The following LAMA5 variants were observed in gnomAD, a reference collection of about 807,000 sequenced individuals.
The protein encoded by LAMA5 is laminin subunit alpha 5.
Under a neutral mutation model 433.4 loss-of-function variants are expected in LAMA5, and 260 were observed. That is an observed-to-expected ratio of 0.60 (90% CI 0.54 to 0.66). The LOEUF is 0.66. LAMA5 is among the 30% of genes least tolerant of loss of function. LAMA5 has a pLI of 0.00. For missense variants in LAMA5, 5,378 were observed against 5,258.5 expected (o/e 1.02, Z -0.70); for synonymous variants, 2,620 against 2,226.6 (o/e 1.18, Z -4.97).
intron 4 of LAMA5, 72 bp from the exon 5 acceptor site, chr20:62,352,151 T>G: frequency 6.3e-7 from 1 of 1,581,954 alleles, no homozygotes; most frequent in Non-Finnish European, 8.6e-7. Flanking sequence ...GGGCCCACCT[T>G]TCCCTTCTCC....
At chr20:62,326,988 G>A (rs768043783) in intron 38 of LAMA5, 22 bp from the exon 39 acceptor site, 70 of 1,544,140 alleles carry the variant, frequency 4.5e-5, no homozygotes, top group Middle Eastern at 3.4e-4. Context: ...ACAGACAGAG[G>A]TGACCTGGCC....
In LAMA5 at chr20:62,336,418, G is replaced by A; in HGVS notation, c.2245C>T (p.His749Tyr). Reference protein sequence around the residue: ...EAQVPCMCRAHVEGPSCDRCK... With the variant: ...EAQVPCMCRAYVEGPSCDRCK... ...CGGTCACAGCTCGGCCCCTCCACGT[G>A]AGCCCGGCACATACAGGGAACCTGT... Residue 749 changes from histidine (H) to tyrosine (Y), a missense_variant, in exon 18 of 80, where the codon CAC (histidine) becomes TAC (tyrosine). Physicochemically the swap from His to Tyr is moderately conservative, Grantham distance 83. Transcript: ENST00000252999. 1 of 1,612,562 alleles carries A rather than the reference G, an allele frequency of 6.2e-7. No individual in the cohort carries two copies. Among genetic ancestry groups the A allele is most frequent in the South Asian group, 1.1e-5 (1 of 91,068 alleles).
intron 50 of LAMA5, 150 bp downstream of exon 50, chr20:62,320,409 C>T (rs372709765): frequency 5.6e-6 from 3 of 531,132 alleles, no homozygotes; most frequent in Admixed American, 3.2e-5. Context: ...AATTCAGTGA[C>T]TTGGTCAACC....
rs763795701 is a variant in LAMA5 at position 62,313,700 on chromosome 20, C to T, written c.8607G>A (p.Leu2869=). Residue 2869 remains leucine (L), a synonymous_variant, in exon 63 of 80, where the codon CTG becomes CTA. Transcript: ENST00000252999. ...VAPGAEGLLN[L]RPDDFVFYVG... ...CGTAGAAGACGAAGTCGTCTGGCCG[C>T]AGGTTGAGCAGCCCCTCTGCCCCAG... is the stretch of plus-strand genomic sequence containing the variant. 8 of 1,612,748 alleles carry T rather than the reference C, an allele frequency of 5.0e-6. No individual in the cohort carries two copies. In the African/African-American group the frequency reaches 8.0e-5, roughly 16 times the overall value.
At position 62,322,396 on chromosome 20, in the gene LAMA5, T is replaced by A; in HGVS notation, c.6219A>T (p.Gly2073=). The change falls in exon 47 of 80, where the codon GGA becomes GGT. Residue 2073 remains glycine (G), a synonymous_variant. Transcript: ENST00000252999. The part of the protein sequence containing the change: ...GCGGCRPCAC[G]PAAEGSECHP... Reference sequence around the variant, plus strand: ...GGCACTCGGAGCCCTCGGCGGCCGGTCCACAAGCACACGGGCGGCAGCCCC... The same window carrying A: ...GGCACTCGGAGCCCTCGGCGGCCGGACCACAAGCACACGGGCGGCAGCCCC... The A allele has an allele frequency of 6.3e-7, 1 of 1,593,780 alleles. No individual in the cohort carries two copies. Among genetic ancestry groups the A allele is most frequent in the African/African-American group, 1.3e-5 (1 of 74,580 alleles).
chr20:62,322,164 G>A lies in LAMA5; in HGVS notation c.6351C>T (p.Cys2117=). ...GGTCACAGCGGCCCCCAGGGCACTG[G>A]CAGCCTGTGGTGGGGGGCTTGGGTG... ...WGLPEQGCRR[C]QCPGGRCDPH... Residue 2117 remains cysteine, a synonymous_variant, in exon 48 of 80, where the codon TGC becomes TGT. Coordinates refer to ENST00000252999, the MANE Select transcript of LAMA5 (RefSeq NM_005560.6). 1 of 1,593,198 alleles carries A rather than the reference G, an allele frequency of 6.3e-7. No individual in the cohort carries two copies. Among genetic ancestry groups the A allele is most frequent in the Non-Finnish European group, 8.5e-7 (1 of 1,172,220 alleles).
intron 26 of LAMA5, 137 bp downstream of exon 26, chr20:62,332,953 G>GGCAGGAGGCAGGAGGCAGGA (rs1980770266): frequency 1.0e-4 from 8 of 78,778 alleles, no homozygotes; most frequent in Non-Finnish European, 1.8e-4. Context: ...AGGAGGCAGG[G>GGCAGGAGGCAGGAGGCAGGA]GCGCCCTGCC....
rs558695650 is a variant in LAMA5, at chr20:62,359,680, T to G, written c.450+2720A>C. ...AGTGACCAGCGCTGGAGCCTCTTCC[T>G]GAGGCCCCACCCTTGGAGAGAGAAC... On this transcript the variant is annotated intron_variant, in intron 2 of 79. Transcript: ENST00000252999. The surrounding 1 kb of genome is among the most constrained non-coding windows in gnomAD (Gnocchi z 4.3). Among the ~76,000 whole-genome samples the G allele has an allele frequency of 6.6e-6, 1 of 152,130 alleles. No individual in the cohort carries two copies. The highest frequency in any genetic ancestry group is 6.5e-5 in the Admixed American group (1 of 15,292).
intron 38 of LAMA5, 129 bp downstream of exon 38, chr20:62,327,104 G>A: frequency 1.8e-6 from 2 of 1,130,352 alleles, no homozygotes; most frequent in Non-Finnish European, 1.2e-6. Context: ...ACCGGGACAG[G>A]GCCTGGGCAC....
chr20:62,356,932 C>A (rs1032696922), intron 2 of LAMA5, among the ~76,000 whole-genome samples: 1 of 152,208 alleles, frequency 6.6e-6, no homozygotes, highest in African/African-American at 2.4e-5. Flanking sequence ...ACTGGCGCTC[C>A]GAAGGCAAAG....
intron 6 of LAMA5, among the ~76,000 whole-genome samples, chr20:62,349,448 TG>T (rs899871022): frequency 6.6e-6 from 1 of 151,404 alleles, no homozygotes; most frequent in African/African-American, 2.4e-5. Context: ...CCCAAGCACC[TG>T]GAGAGGTGAA....
rs777754372 is a variant in LAMA5, at chr20:62,325,327, C to A, written c.5518G>T (p.Asp1840Tyr). ...TGTCCTAACCTCACCTGGCATGAGTCCCCCCGGTAGCTGGCGGGGCACAGG... is the reference window on the plus strand; with the variant it reads ...TGTCCTAACCTCACCTGGCATGAGTACCCCCGGTAGCTGGCGGGGCACAGG... ...LCLCPASYRG[D>Y]SCQECAPGFY... is the part of the protein sequence containing the mutation. The change falls in exon 41 of 80, where the codon GAC becomes TAC. Residue 1840 changes from aspartate to tyrosine, a missense_variant. By Grantham distance (160) the Asp-to-Tyr change is radical. Transcript: ENST00000252999. 3.8e-6 allele frequency: 6 copies of A among 1,582,586 alleles called. No individual in the cohort carries two copies. Among genetic ancestry groups the A allele is most frequent in the Non-Finnish European group, 4.3e-6 (5 of 1,161,698 alleles).
rs768078973 is a variant in LAMA5, at chr20:62,309,440, A to G, written c.10984T>C (p.Cys3662Arg). Residue 3662 changes from cysteine (C) to arginine (R), a missense_variant, in exon 80 of 80, where the codon TGC (cysteine) becomes CGC (arginine). Cys to Arg is a radical substitution (Grantham distance 180). Coordinates refer to ENST00000252999, the MANE Select transcript of LAMA5 (RefSeq NM_005560.6). ...MAVQPWPPAY[C>R]GCMRRLAVNR... ...ACCGCCAGCCTCCTCATGCAGCCGC[A>G]GTAGGCGGGGGGCCAGGGCTGCACG... 9 of 1,576,876 alleles carry G rather than the reference A, an allele frequency of 5.7e-6. No individual in the cohort carries two copies. The highest frequency in any genetic ancestry group is 7.7e-6 in the Non-Finnish European group (9 of 1,169,762).
intron 6 of LAMA5, 94 bp downstream of exon 6, chr20:62,351,610 T>G: frequency 1.6e-6 from 2 of 1,226,318 alleles, no homozygotes; most frequent in Admixed American, 4.0e-5. Flanking sequence ...TGGAACCAGG[T>G]CACCCACCCT....
At position 62,346,515 on chromosome 20, in the gene LAMA5, C is replaced by G; in HGVS notation, c.1273G>C (p.Val425Leu). The stretch of plus-strand genomic sequence containing the variant: ...AGCTGAGCCCACTCACGGCGGCAGA[C>G]GTGGGGCGAGTCGAGAGGGTGGTTG... ...SPNHPLDSPH[V>L]CRRCNCESDF... is the part of the protein sequence containing the mutation. The change falls in exon 9 of 80, where the codon GTC becomes CTC. Residue 425 changes from valine (V) to leucine (L), a missense_variant. Val to Leu is a conservative substitution (Grantham distance 32, BLOSUM62 1). Transcript: ENST00000252999. The G allele has an allele frequency of 3.2e-6, 5 of 1,551,378 alleles. No individual in the cohort carries two copies. Among genetic ancestry groups the G allele is most frequent in the Non-Finnish European group, 4.4e-6 (5 of 1,147,154 alleles).
chr20:62,322,092 G>T lies in LAMA5; in HGVS notation c.6423C>A (p.Arg2141=). 6.2e-7 allele frequency: 1 copy of T among 1,602,064 alleles called. No homozygotes were observed. The highest frequency in any genetic ancestry group is 8.5e-7 in the Non-Finnish European group (1 of 1,179,310). Residue 2141 remains arginine (R), a synonymous_variant, in exon 48 of 80, where the codon CGC becomes CGA. Transcript: ENST00000252999. ...GATGCTGCTGGCTGCAGGTGTCGCAGCGCTCCCCGCTGAGCCCCGGGGGGC... is the reference window on the plus strand; with the variant it reads ...GATGCTGCTGGCTGCAGGTGTCGCATCGCTCCCCGCTGAGCCCCGGGGGGC... ...CNCPPGLSGE[R]CDTCSQQHQV...
chr20:62,334,898 C>T (rs555734650), intron 20 of LAMA5, 123 bp downstream of exon 20: 1 of 901,474 alleles, frequency 1.1e-6, no homozygotes, highest in Non-Finnish European at 1.7e-6. Flanking sequence ...CACCAAGGGG[C>T]AGCCATCCAT....
intron 2 of LAMA5, chr20:62,353,470 G>A: frequency 2.0e-6 from 1 of 495,552 alleles, no homozygotes; most frequent in Non-Finnish European, 3.6e-6. Context: ...AGCCCTCCTG[G>A]AAGGGCTCCC....
Position 62,313,186 on chromosome 20 carries a change from G to T in LAMA5, c.8857C>A (p.Arg2953Ser). The T allele has an allele frequency of 1.3e-6, 2 of 1,574,114 alleles. No homozygotes were observed. Among genetic ancestry groups the T allele is most frequent in the East Asian group, 2.4e-5 (1 of 42,476 alleles). Residue 2953 changes from arginine to serine, a missense_variant, in exon 65 of 80, where the codon CGC (arginine) becomes AGC (serine). Physicochemically the swap from Arg to Ser is moderately radical, Grantham distance 110. Coordinates refer to ENST00000252999, the MANE Select transcript of LAMA5 (RefSeq NM_005560.6). ...GSYLDGTGFA[R>S]ISFDSQISTT... ...CTGATCTGACTGTCGAAGCTGATGC[G>T]GGCGAAGCCGGTGCCGTCCAGGTAG...
Sources: gnomAD v4.1 joint callset for allele counts (sites outside exome capture counted in the v4.1 genomes callset) on GRCh38, gnomAD v4.1.1 for gene constraint, Gnocchi (gnomAD v3.1) non-coding constraint, MANE v1.5 for transcripts, NCBI Gene and HGNC (gene_info 2026-07-23, HGNC 2026-07-21) for gene names.